The following ICAM1 variants were observed in gnomAD, a reference collection of about 807,000 sequenced individuals.
The protein encoded by ICAM1 is ICAM-1.
ICAM1 carries 28 observed loss-of-function variants against 42.3 expected under a neutral mutation model. That is an observed-to-expected ratio of 0.66 (90% CI 0.49 to 0.91). The LOEUF is 0.91. ICAM1 is among the 40% of genes least tolerant of loss of function. The probability of loss-of-function intolerance (pLI) is 0.00; values close to 1 mark genes in which losing one functional copy is unlikely to be tolerated. For missense variants in ICAM1, 637 were observed against 688.6 expected (o/e 0.93, Z 0.84); for synonymous variants, 304 against 305.9 (o/e 0.99, Z 0.07).
chr19:10,285,968 C>T lies in ICAM1; in HGVS notation c.*681C>T, dbSNP rs966637872. The stretch of plus-strand genomic sequence containing the variant: ...GCAAAAAGATCAAATGGGGCTGGGA[C>T]TTCTCATTGGCCAACCTGCCTTTCC... On this transcript the variant is annotated 3_prime_UTR_variant, in exon 7 of 7. Transcript: ENST00000264832. The T allele has an allele frequency of 6.6e-6, 1 of 152,472 alleles. No individual in the cohort carries two copies. The highest frequency in any genetic ancestry group is 2.4e-5 in the African/African-American group (1 of 41,438). 9.4% of individuals were successfully genotyped at this position (152,472 alleles called of 1,614,324 possible).
chr19:10,284,261 C>T lies in ICAM1; in HGVS notation c.866C>T (p.Thr289Met), dbSNP rs147925015. 1.3e-4 allele frequency: 206 copies of T among 1,613,760 alleles called. No individual in the cohort carries two copies. The highest frequency in any genetic ancestry group is 3.2e-4 in the Admixed American group (19 of 59,984). ...GAGGACGAGGGCACCCAGCGGCTGA[C>T]GTGTGCAGTAATACTGGGGAACCAG... ...TAEDEGTQRL[T>M]CAVILGNQSQ... The change falls in exon 4 of 7, where the codon ACG (threonine) becomes ATG (methionine). Residue 289 changes from threonine (T) to methionine (M), a missense_variant. Physicochemically the swap from Thr to Met is moderately conservative, Grantham distance 81. Coordinates refer to ENST00000264832, the MANE Select transcript of ICAM1 (RefSeq NM_000201.3). This position sits in a 1 kb window ranked among gnomAD's most constrained non-coding sequence, Gnocchi z 5.4.
chr19:10,284,064 C>A lies in ICAM1; in HGVS notation c.669C>A (p.Ser223Arg). The A allele has an allele frequency of 1.2e-6, 2 of 1,613,730 alleles. No individual in the cohort carries two copies. The highest frequency in any genetic ancestry group is 1.7e-4 in the Middle Eastern group (1 of 6,058). Reference sequence around the variant, plus strand: ...CAGCGACTCCCCCACAACTTGTCAGCCCCCGGGTCCTAGAGGTGGACACGC... The same window carrying A: ...CAGCGACTCCCCCACAACTTGTCAGACCCCGGGTCCTAGAGGTGGACACGC... ...VLPATPPQLV[S>R]PRVLEVDTQG... is the part of the protein sequence containing the mutation. Residue 223 changes from serine (S) to arginine (R), a missense_variant, in exon 4 of 7, where the codon AGC (serine) becomes AGA (arginine). Ser to Arg is a moderately radical substitution (Grantham distance 110). Transcript: ENST00000264832. The surrounding 1 kb of genome is among the most constrained non-coding windows in gnomAD (Gnocchi z 5.4).
rs975225022 is a variant in ICAM1 at position 10,273,788 on chromosome 19, C to T, written c.68-977C>T. ...CAGCACTTTGGGAGGCTGAGGCGGG[C>T]GGATCACTTGAGGCCAGGAGTTTGA... On this transcript the variant is annotated intron_variant, in intron 1 of 6. Coordinates refer to ENST00000264832, the MANE Select transcript of ICAM1 (RefSeq NM_000201.3). Among the ~76,000 whole-genome samples, 10 of 151,466 alleles carry T rather than the reference C, an allele frequency of 6.6e-5. 1 individual carries two copies. The South Asian group carries it at 1.3e-3, about 19-fold the overall frequency.
chr19:10,283,377 G>A, intron 2 of ICAM1, 104 bp from the exon 3 acceptor site: 8 of 1,128,986 alleles, frequency 7.1e-6, no homozygotes, highest in Non-Finnish European at 1.0e-5. Context: ...GGCGTGTTTG[G>A]GGGAGATACT....
rs5030358 is a variant in ICAM1 at position 10,277,697 on chromosome 19, A to G, written c.331+2669A>G. Reference sequence around the variant, plus strand: ...GAGACGGGATTTCATCATGTTGGCCAGGCTGGTCTTGATCTCCTGACCTTG... The same window carrying G: ...GAGACGGGATTTCATCATGTTGGCCGGGCTGGTCTTGATCTCCTGACCTTG... On this transcript the variant is annotated intron_variant, in intron 2 of 6. Coordinates refer to ENST00000264832, the MANE Select transcript of ICAM1 (RefSeq NM_000201.3). Among the ~76,000 whole-genome samples, 308 of 151,400 alleles carry G rather than the reference A, an allele frequency of 2.0e-3. 1 individual carries two copies. The highest frequency in any genetic ancestry group is 5.2e-3 in the South Asian group (25 of 4,796).
intron 2 of ICAM1, 22 bp downstream of exon 2, chr19:10,275,050 G>A: frequency 1.2e-6 from 2 of 1,609,716 alleles, no homozygotes; most frequent in Non-Finnish European, 1.7e-6. Context: ...AGCCCGGAGG[G>A]CTGGACTAGG....
rs1356494035 is a variant in ICAM1 at position 10,272,384 on chromosome 19, C to T, written c.67+1158C>T. 1.3e-5 allele frequency among the ~76,000 whole-genome samples: 2 copies of T among 152,076 alleles called. 1 individual carries two copies. ...TGAAATGGGAATGGTCCCAGAATCT[C>T]CCTTGGAGAATGTATGGAGCCAGTG... On this transcript the variant is annotated intron_variant, in intron 1 of 6. Coordinates refer to ENST00000264832, the MANE Select transcript of ICAM1 (RefSeq NM_000201.3).
rs757771096 is a variant in ICAM1 at position 10,284,446 on chromosome 19, A to G, written c.969A>G (p.Ser323=). 6.2e-7 allele frequency: 1 copy of G among 1,613,930 alleles called. No homozygotes were observed. Among genetic ancestry groups the G allele is most frequent in the Non-Finnish European group, 8.5e-7 (1 of 1,180,018 alleles). The part of the protein sequence containing the change: ...PNVILTKPEV[S]EGTEVTVKCE... Reference sequence around the variant, plus strand: ...TGATTCTGACGAAGCCAGAGGTCTCAGAAGGGACCGAGGTGACAGTGAAGT... The same window carrying G: ...TGATTCTGACGAAGCCAGAGGTCTCGGAAGGGACCGAGGTGACAGTGAAGT... The change falls in exon 5 of 7, where the codon TCA becomes TCG. Residue 323 remains serine (S), a synonymous_variant. Coordinates refer to ENST00000264832, the MANE Select transcript of ICAM1 (RefSeq NM_000201.3). This position sits in a 1 kb window ranked among gnomAD's most constrained non-coding sequence, Gnocchi z 5.4.
intron 2 of ICAM1, among the ~76,000 whole-genome samples, chr19:10,282,611 C>G (rs2040069680): frequency 6.6e-6 from 1 of 151,930 alleles, no homozygotes. Context: ...GTCTTGAACT[C>G]CTGGCCTCAA....
intron 2 of ICAM1, among the ~76,000 whole-genome samples, chr19:10,278,869 C>G (rs2040035627): frequency 6.6e-6 from 1 of 151,932 alleles, no homozygotes; most frequent in Non-Finnish European, 1.5e-5. Flanking sequence ...GCATAGAACT[C>G]CAGGTTTGAG....
At chr19:10,281,452 C>T (rs905534019) in intron 2 of ICAM1, among the ~76,000 whole-genome samples, 4 of 152,000 alleles carry the variant, frequency 2.6e-5, no homozygotes, top group African/African-American at 7.3e-5. Context: ...TTTAGAATAC[C>T]ATAAGATTCA....
chr19:10,272,158 G>A (rs959216768), intron 1 of ICAM1, among the ~76,000 whole-genome samples: 5 of 152,118 alleles, frequency 3.3e-5, no homozygotes, highest in African/African-American at 1.2e-4. Context: ...GGTGGTGGGC[G>A]CCTGTGATCC....
rs2040095927 is a variant in ICAM1, at chr19:10,285,292, A to G, written c.*5A>G. On this transcript the variant is annotated 3_prime_UTR_variant, in exon 7 of 7. Transcript: ENST00000264832. ...ACACAAGCCACGCCTCCCTGAACCTATCCCGGGACAGGGCCTCTTCCTCGG... is the reference window on the plus strand; with the variant it reads ...ACACAAGCCACGCCTCCCTGAACCTGTCCCGGGACAGGGCCTCTTCCTCGG... 5 of 1,612,570 alleles carry G rather than the reference A, an allele frequency of 3.1e-6. No homozygotes were observed. Among genetic ancestry groups the G allele is most frequent in the Non-Finnish European group, 4.2e-6 (5 of 1,178,978 alleles).
chr19:10,276,477 A>G (rs1196637903), intron 2 of ICAM1, among the ~76,000 whole-genome samples: 4 of 148,816 alleles, frequency 2.7e-5, no homozygotes, highest in Non-Finnish European at 5.9e-5. Flanking sequence ...CCCGGGAGGC[A>G]GAGCTTGCAG....
intron 1 of ICAM1, among the ~76,000 whole-genome samples, 166 bp from the exon 2 acceptor site, chr19:10,274,599 G>A (rs565969296): frequency 1.3e-5 from 2 of 152,288 alleles, no homozygotes; most frequent in East Asian, 3.9e-4. Flanking sequence ...ACAGGCGTGA[G>A]CCACCACACC....
chr19:10,280,974 C>T (rs1242633632), intron 2 of ICAM1, among the ~76,000 whole-genome samples: 2 of 150,446 alleles, frequency 1.3e-5, no homozygotes, highest in Non-Finnish European at 3.0e-5. Flanking sequence ...CCCGGGTTCA[C>T]TCCATCCTCC....
At position 10,284,773 on chromosome 19, in the gene ICAM1, G is replaced by A. The variant is rs1200343135; in HGVS notation, c.1181-10G>A. The A allele has an allele frequency of 8.1e-6, 13 of 1,606,422 alleles. No homozygotes were observed. Among genetic ancestry groups the A allele is most frequent in the Middle Eastern group, 1.7e-4 (1 of 6,024 alleles). ...ACCCACCTCCATGTCATCTCATCGTGTTTTTCCAGATGGCCCCCGACTGGA... is the reference window on the plus strand; with the variant it reads ...ACCCACCTCCATGTCATCTCATCGTATTTTTCCAGATGGCCCCCGACTGGA... On this transcript the variant is annotated splice_polypyrimidine_tract_variant and intron_variant, in intron 5 of 6. Coordinates refer to ENST00000264832, the MANE Select transcript of ICAM1 (RefSeq NM_000201.3). This position sits in a 1 kb window ranked among gnomAD's most constrained non-coding sequence, Gnocchi z 5.4.
At chr19:10,281,064 G>A (rs548773850) in intron 2 of ICAM1, among the ~76,000 whole-genome samples, 16 of 151,374 alleles carry the variant, frequency 1.1e-4, no homozygotes, top group South Asian at 8.3e-4. Flanking sequence ...TAGTAGAGAC[G>A]GGGTTTCACC....
intron 2 of ICAM1, 131 bp downstream of exon 2, chr19:10,275,159 G>T: frequency 1.1e-6 from 1 of 886,752 alleles, no homozygotes; most frequent in Non-Finnish European, 1.7e-6. Context: ...TGCAGGGCAG[G>T]TGGGGACATC....
Sources: gnomAD v4.1 joint callset for allele counts (sites outside exome capture counted in the v4.1 genomes callset) on GRCh38, gnomAD v4.1.1 for gene constraint, Gnocchi (gnomAD v3.1) non-coding constraint, MANE v1.5 for transcripts, NCBI Gene and HGNC (gene_info 2026-07-23, HGNC 2026-07-21) for gene names.